Variants in MED13L observed in about 807,000 individuals in gnomAD.
The protein encoded by MED13L is mediator complex subunit 13L, also known as mediator of RNA polymerase II transcription subunit 13-like.
Under a neutral mutation model 220.9 loss-of-function variants are expected in MED13L, and 7 were observed. The ratio of observed to expected loss-of-function variants is 0.03; its 90% CI spans 0.02 to 0.06. The LOEUF (loss-of-function observed/expected upper bound fraction) is 0.06. Ranked by LOEUF, MED13L falls within the 10% of genes least tolerant of loss-of-function variation. The probability of loss-of-function intolerance (pLI) is 1.00; values close to 1 mark genes in which losing one functional copy is unlikely to be tolerated. For missense variants in MED13L, 1,965 were observed against 2,760.5 expected (o/e 0.71, Z 6.46); for synonymous variants, 1,011 against 1,015.2 (o/e 1.00, Z 0.08).
At chr12:116,105,946 G>A (rs867896680) in intron 3 of MED13L, among the ~76,000 whole-genome samples, 2 of 152,178 alleles carry the variant, frequency 1.3e-5, no homozygotes, top group African/African-American at 4.8e-5. Context: ...CCATTTCCGA[G>A]CAAAAGCATT....
chr12:116,265,694 C>T (rs1872780726), intron 1 of MED13L, among the ~76,000 whole-genome samples: 1 of 152,148 alleles, frequency 6.6e-6, no homozygotes, highest in Admixed American at 6.5e-5. Context: ...TTGGCCTGCC[C>T]ACACTTCAAA....
chr12:116,210,551 C>CTATATATATATATATATATATATATATA (rs3043762), intron 2 of MED13L, among the ~76,000 whole-genome samples: 83 of 113,608 alleles, frequency 7.3e-4, no homozygotes, highest in African/African-American at 9.8e-4. Context: ...AGAACGTAAC[C>CTATATATATATATATATATATATATATA]TATATATATA....
chr12:116,270,771 G>A (rs1297367122), intron 1 of MED13L, among the ~76,000 whole-genome samples: 1 of 151,858 alleles, frequency 6.6e-6, no homozygotes, highest in African/African-American at 2.4e-5. Context: ...AGCCGGGCGC[G>A]GTGGCTCGAG....
intron 4 of MED13L, among the ~76,000 whole-genome samples, chr12:116,069,522 T>C (rs536755644): frequency 2.0e-5 from 3 of 152,208 alleles, no homozygotes; most frequent in Non-Finnish European, 2.9e-5. Context: ...TGAAACTGAG[T>C]ATTCTTTGGT....
chr12:116,246,866 G>A (rs1871143979), intron 1 of MED13L, among the ~76,000 whole-genome samples: 1 of 86,864 alleles, frequency 1.2e-5, no homozygotes, highest in Non-Finnish European at 2.3e-5. Flanking sequence ...GGGGAGGTGG[G>A]GAGAGGAGGG....
chr12:116,024,165 C>T (rs1461511598), intron 4 of MED13L, among the ~76,000 whole-genome samples: 2 of 152,046 alleles, frequency 1.3e-5, no homozygotes, highest in African/African-American at 4.8e-5. Flanking sequence ...CTCTATTCCA[C>T]CGAGTCCCAA....
At chr12:116,099,667 T>A (rs898035742) in intron 3 of MED13L, among the ~76,000 whole-genome samples, 1 of 152,174 alleles carries the variant, frequency 6.6e-6, no homozygotes, top group Admixed American at 6.5e-5. Flanking sequence ...TATTTGTTCT[T>A]CTATCAAGTA....
intron 29 of MED13L, among the ~76,000 whole-genome samples, chr12:115,965,104 T>C (rs1482538146): frequency 1.3e-5 from 2 of 152,244 alleles, no homozygotes; most frequent in African/African-American, 4.8e-5. Context: ...AAGTTTTTGG[T>C]TTAATTTCCA....
chr12:116,097,972 G>A (rs2137823195), intron 3 of MED13L, among the ~76,000 whole-genome samples: 1 of 152,266 alleles, frequency 6.6e-6, no homozygotes, highest in East Asian at 1.9e-4. Flanking sequence ...GAGGCTGGGT[G>A]GGTGGCTCAT....
At chr12:115,970,470 C>T in intron 27 of MED13L, 124 bp downstream of exon 27, 3 of 938,668 alleles carry the variant, frequency 3.2e-6, no homozygotes, top group East Asian at 2.5e-5. Flanking sequence ...ACCTTCTATC[C>T]CCTCTTTATA....
intron 2 of MED13L, among the ~76,000 whole-genome samples, chr12:116,114,739 T>C (rs1250694563): frequency 6.6e-6 from 1 of 152,142 alleles, no homozygotes; most frequent in Non-Finnish European, 1.5e-5. Flanking sequence ...CTACTAGAAC[T>C]AAAACTGAGT....
intron 4 of MED13L, among the ~76,000 whole-genome samples, chr12:116,049,579 C>T (rs1243366138): frequency 1.3e-5 from 2 of 152,192 alleles, no homozygotes; most frequent in African/African-American, 4.8e-5. Flanking sequence ...ATCACTGGCA[C>T]AACCTCGAAT....
At chr12:116,126,311 C>G (rs1194551217) in intron 2 of MED13L, among the ~76,000 whole-genome samples, 2 of 152,190 alleles carry the variant, frequency 1.3e-5, no homozygotes, top group Admixed American at 6.6e-5. Context: ...CTTTCGAAAT[C>G]TGGCTAGAAT....
intron 3 of MED13L, among the ~76,000 whole-genome samples, chr12:116,099,971 T>C (rs1283896993): frequency 1.3e-5 from 2 of 152,178 alleles, no homozygotes; most frequent in African/African-American, 2.4e-5. Context: ...CACAAATAAC[T>C]TAGATGATTT....
chr12:116,120,477 T>TCACACACACA (rs1158069310), intron 2 of MED13L, among the ~76,000 whole-genome samples: 27 of 79,464 alleles, frequency 3.4e-4, no homozygotes, highest in East Asian at 4.1e-4. Context: ...TCTCTCTCTC[T>TCACACACACA]CACACACACA....
intron 4 of MED13L, among the ~76,000 whole-genome samples, chr12:116,076,095 A>T (rs1325426253): frequency 6.6e-6 from 1 of 151,892 alleles, no homozygotes; most frequent in Non-Finnish European, 1.5e-5. Flanking sequence ...TTGTATTTTT[A>T]GTAGAGACGG....
In MED13L at chr12:116,277,240, C is replaced by T. The variant is rs1408044050; in HGVS notation, c.-109G>A. ...GCCGGGGAGCGCGGGGCGGCCGGGC[C>T]GCCGCCGCCGCCGGGGGAGGGCGCG... On this transcript the variant is annotated 5_prime_UTR_variant, in exon 1 of 31. Coordinates refer to ENST00000281928, the MANE Select transcript of MED13L (RefSeq NM_015335.5). 9.8e-6 allele frequency: 3 copies of T among 305,972 alleles called. No individual in the cohort carries two copies. The highest frequency in any genetic ancestry group is 1.1e-5 in the Non-Finnish European group (3 of 261,778). The allele number at this position is 305,972 out of a possible 1,614,324, so 19.0% of individuals were successfully genotyped here. A position where few individuals can be genotyped will look rare whatever the true frequency, so the allele number is the denominator to read the frequency against.
intron 13 of MED13L, among the ~76,000 whole-genome samples, chr12:116,003,498 T>C (rs1878872160): frequency 9.2e-6 from 1 of 109,062 alleles, no homozygotes; most frequent in Admixed American, 9.2e-5. Context: ...CCTCCAATTC[T>C]TTTTTTTTTT....
chr12:116,006,527 A>G (rs1047094728), intron 11 of MED13L, 116 bp from the exon 12 acceptor site: 1 of 835,634 alleles, frequency 1.2e-6, no homozygotes, highest in Admixed American at 1.9e-5. Context: ...CACAAGTATG[A>G]TAAACCATGG....
Sources: allele counts gnomAD v4.1 joint callset (sites outside exome capture counted in the v4.1 genomes callset), GRCh38; gene constraint gnomAD v4.1.1; transcripts MANE v1.5; gene names NCBI Gene and HGNC (gene_info 2026-07-23, HGNC 2026-07-21).